The following VPS26C variants were observed in gnomAD, a reference collection of about 807,000 sequenced individuals.
VPS26C encodes VPS26 endosomal protein sorting factor C.
VPS26C carries 19 observed loss-of-function variants against 30.6 expected under a neutral mutation model. That is an observed-to-expected ratio of 0.62 (90% CI 0.43 to 0.91). The LOEUF (loss-of-function observed/expected upper bound fraction) is 0.91. Ranked by LOEUF, VPS26C falls within the 40% of genes least tolerant of loss-of-function variation. The pLI, the probability that VPS26C is intolerant of heterozygous loss-of-function variation, is 0.00. For missense variants in VPS26C, 318 were observed against 385.1 expected (o/e 0.83, Z 1.46); for synonymous variants, 132 against 151.5 (o/e 0.87, Z 0.95).
intron 3 of VPS26C, chr21:37,238,101 T>C: frequency 5.3e-6 from 1 of 189,396 alleles, no homozygotes. Flanking sequence ...AACAAAGAGA[T>C]ACTTGTAAGT....
chr21:37,239,603 CTTTT>C (rs11313933), intron 2 of VPS26C, among the ~76,000 whole-genome samples: 10 of 138,362 alleles, frequency 7.2e-5, no homozygotes, highest in African/African-American at 1.3e-4. Flanking sequence ...GAGCTGTGAT[CTTTT>C]TTTTTTTTTT....
At chr21:37,248,713 TA>T (rs558050794) in intron 1 of VPS26C, among the ~76,000 whole-genome samples, 10,893 of 97,908 alleles carry the variant, frequency 0.11, 734 homozygotes, top group Admixed American at 0.24. Flanking sequence ...GCAACGAACT[TA>T]AAAAAAAAAA....
intron 2 of VPS26C, among the ~76,000 whole-genome samples, chr21:37,239,817 C>T (rs1303749800): frequency 3.3e-5 from 5 of 152,092 alleles, no homozygotes; most frequent in Non-Finnish European, 5.9e-5. Flanking sequence ...AGGCTGGTCT[C>T]GAACTCCTGA....
Position 37,227,777 on chromosome 21 carries a change from T to C in VPS26C, c.688A>G (p.Thr230Ala). Residue 230 changes from threonine to alanine, a missense_variant, in exon 7 of 8, where the codon ACG (threonine) becomes GCG (alanine). Transcript: ENST00000309117. ...GCAEGYARDA[T>A]EIQNIQIADG... The stretch of plus-strand genomic sequence containing the variant: ...GCGATCTGAATGTTCTGAATCTCCG[T>C]GGCGTCGCGGGCATAGCCTTCTGCA... The C allele has an allele frequency of 6.2e-7, 1 of 1,614,108 alleles. No individual in the cohort carries two copies. The highest frequency in any genetic ancestry group is 1.3e-5 in the African/African-American group (1 of 75,036).
chr21:37,225,497 G>C lies in VPS26C; in HGVS notation c.*47C>G. ...CCCCTTAGGATTTGGATAACCAGCT[G>C]GATTTCCAGATGGCCACTCCCGTTC... On this transcript the variant is annotated 3_prime_UTR_variant, in exon 8 of 8. Transcript: ENST00000309117. 6.5e-7 allele frequency: 1 copy of C among 1,532,848 alleles called. No individual in the cohort carries two copies. The highest frequency in any genetic ancestry group is 9.0e-7 in the Non-Finnish European group (1 of 1,106,360). The allele number at this position is 1,532,848 out of a possible 1,614,324, so 95.0% of individuals were successfully genotyped here.
At chr21:37,244,424 G>A (rs2086117524) in intron 1 of VPS26C, among the ~76,000 whole-genome samples, 5 of 152,112 alleles carry the variant, frequency 3.3e-5, no homozygotes, top group Admixed American at 1.3e-4. Flanking sequence ...TTGTTAGTAG[G>A]GTTTCACCAA....
chr21:37,240,624 C>A lies in VPS26C; in HGVS notation c.73G>T (p.Val25Leu). The A allele has an allele frequency of 1.9e-6, 3 of 1,613,892 alleles. No individual in the cohort carries two copies. The highest frequency in any genetic ancestry group is 2.2e-5 in the East Asian group (1 of 44,882). The part of the protein sequence containing the change: ...VYHAGEVLSG[V>L]VVISSKDSVQ... ...GAATCCTTACTCGATATGACCACCA[C>A]GCCAGAGAGCACTTCCTGGGAGAGA... is the stretch of plus-strand genomic sequence containing the variant. The change falls in exon 2 of 8, where the codon GTG (valine) becomes TTG (leucine). Residue 25 changes from valine to leucine, a missense_variant. Coordinates refer to ENST00000309117, the MANE Select transcript of VPS26C (RefSeq NM_006052.2).
At chr21:37,265,033 C>T (rs951405612) in intron 1 of VPS26C, among the ~76,000 whole-genome samples, 9 of 152,122 alleles carry the variant, frequency 5.9e-5, no homozygotes, top group Admixed American at 5.9e-4. Context: ...GCCTGTCAGT[C>T]AAAAGGGCCA....
In VPS26C at chr21:37,267,238, C is replaced by T; in HGVS notation, c.57G>A (p.Gly19=). The T allele has an allele frequency of 1.5e-6, 2 of 1,299,656 alleles. No homozygotes were observed. Among genetic ancestry groups the T allele is most frequent in the Non-Finnish European group, 2.2e-6 (2 of 928,026 alleles). 80.5% of individuals were successfully genotyped at this position (1,299,656 alleles called of 1,614,324 possible). ...IKRANKVYHA[G]EVLSGVVVIS... is the part of the protein sequence containing the mutation. ...ATCCCCACCCCCAGCCCCCACTTAC[C>T]CCGGCGTGATAAACTTTATTCGCTC... The change falls in exon 1 of 8, where the codon GGG becomes GGA. Residue 19 remains glycine (G), a splice_region_variant and synonymous_variant. Transcript: ENST00000309117.
intron 5 of VPS26C, 57 bp from the exon 6 acceptor site, chr21:37,228,430 A>G: frequency 1.3e-6 from 2 of 1,588,510 alleles, no homozygotes; most frequent in Middle Eastern, 3.3e-4. Context: ...AAAGTGCTCC[A>G]TACTTTGGTG....
At chr21:37,232,555 C>A in intron 4 of VPS26C, 104 bp from the exon 5 acceptor site, 1 of 959,068 alleles carries the variant, frequency 1.0e-6, no homozygotes, top group Non-Finnish European at 1.7e-6. Flanking sequence ...CCTGGCGATG[C>A]AGGAAGGACG....
intron 4 of VPS26C, among the ~76,000 whole-genome samples, chr21:37,232,827 C>T (rs1051111294): frequency 4.6e-5 from 7 of 152,180 alleles, no homozygotes; most frequent in African/African-American, 1.7e-4. Flanking sequence ...ACGAGGCAAG[C>T]GGGGCAGAGA....
chr21:37,228,655 C>A (rs1175673949), intron 5 of VPS26C: 3 of 290,836 alleles, frequency 1.0e-5, no homozygotes, highest in South Asian at 8.6e-5. Flanking sequence ...CTAGAAAGCT[C>A]CTTCTTACCA....
intron 1 of VPS26C, among the ~76,000 whole-genome samples, chr21:37,264,243 T>C (rs1042384666): frequency 6.6e-6 from 1 of 152,264 alleles, no homozygotes; most frequent in Admixed American, 6.5e-5. Flanking sequence ...TAAGGTTTCC[T>C]TTAAAATGCA....
intron 3 of VPS26C, among the ~76,000 whole-genome samples, chr21:37,235,639 A>G (rs1166600498): frequency 6.6e-6 from 1 of 152,126 alleles, no homozygotes; most frequent in Non-Finnish European, 1.5e-5. Flanking sequence ...AAATTATTGT[A>G]AAAAGAAGAA....
chr21:37,240,817 GA>G, intron 1 of VPS26C, among the ~76,000 whole-genome samples, 178 bp from the exon 2 acceptor site: 1 of 152,340 alleles, frequency 6.6e-6, no homozygotes, highest in African/African-American at 2.4e-5. Flanking sequence ...GATGCCCACT[GA>G]TAATGACGTG....
intron 1 of VPS26C, among the ~76,000 whole-genome samples, chr21:37,253,539 G>A (rs1394554467): frequency 5.9e-5 from 9 of 152,118 alleles, no homozygotes; most frequent in Admixed American, 5.9e-4. Flanking sequence ...CTGAACAAAA[G>A]TTTAAAAGAA....
intron 1 of VPS26C, among the ~76,000 whole-genome samples, chr21:37,252,046 C>G (rs1435437573): frequency 6.6e-6 from 1 of 152,176 alleles, no homozygotes; most frequent in Non-Finnish European, 1.5e-5. Flanking sequence ...GCCTTCCCTC[C>G]TAAACCACCT....
intron 1 of VPS26C, among the ~76,000 whole-genome samples, chr21:37,250,376 T>C (rs187801476): frequency 2.0e-5 from 3 of 152,108 alleles, no homozygotes; most frequent in Admixed American, 6.5e-5. Flanking sequence ...AATACTTAAA[T>C]GTAAAAACTG....
Sources: allele counts gnomAD v4.1 joint callset (sites outside exome capture counted in the v4.1 genomes callset), GRCh38; gene constraint gnomAD v4.1.1; transcripts MANE v1.5; gene names NCBI Gene and HGNC (gene_info 2026-07-23, HGNC 2026-07-21).